The following KIAA0319 variants were observed in gnomAD, a reference collection of about 807,000 sequenced individuals.
The protein encoded by KIAA0319 is KIAA0319.
Under a neutral mutation model 108.4 loss-of-function variants are expected in KIAA0319, and 83 were observed. That is an observed-to-expected ratio of 0.77 (90% confidence interval 0.64 to 0.92). KIAA0319 has a LOEUF of 0.92. Among genes scored for constraint, KIAA0319 ranks in the 40% least tolerant of loss-of-function variants. The pLI is 0.00. For missense variants in KIAA0319, 1,195 were observed against 1,322.4 expected, an observed-to-expected ratio of 0.90 and a Z score of 1.49; for synonymous variants, 484 against 510.4, an observed-to-expected ratio of 0.95 and a Z score of 0.70.
chr6:24,554,229 A>G lies in KIAA0319; in HGVS notation c.2948+312T>C, dbSNP rs571434602. Among the ~76,000 whole-genome samples, 4 of 152,344 alleles carry G rather than the reference A, an allele frequency of 2.6e-5. No homozygotes were observed. In the South Asian group the frequency reaches 8.3e-4, roughly 32 times the overall value. On this transcript the variant is annotated intron_variant, in intron 19 of 20. Coordinates refer to ENST00000378214, the MANE Select transcript of KIAA0319 (RefSeq NM_014809.4). ...GCGAAGAAACTCCCAAACAATGGTC[A>G]CAGAAGTCTTCTGTATTGATTGTGG...
At chr6:24,605,820 T>G (rs766998085) in intron 1 of KIAA0319, among the ~76,000 whole-genome samples, 24 of 152,244 alleles carry the variant, frequency 1.6e-4, no homozygotes, top group Non-Finnish European at 3.5e-4. Context: ...GAACACATCT[T>G]ACCTTTGTAT....
chr6:24,546,398 T>C lies in KIAA0319; in HGVS notation c.*767A>G, dbSNP rs1440001612. The stretch of plus-strand genomic sequence containing the variant: ...ATCCGTTTACATTAGAGAACTATAC[T>C]GCTAAACAACACCGAGAGGAGTCAG... On this transcript the variant is annotated 3_prime_UTR_variant, in exon 21 of 21. Coordinates refer to ENST00000378214, the MANE Select transcript of KIAA0319 (RefSeq NM_014809.4). 6.6e-6 allele frequency: 1 copy of C among 152,010 alleles called. No individual in the cohort carries two copies. Among genetic ancestry groups the C allele is most frequent in the Non-Finnish European group, 1.5e-5 (1 of 67,992 alleles). 9.4% of individuals were successfully genotyped at this position (152,010 alleles called of 1,614,324 possible).
intron 1 of KIAA0319, among the ~76,000 whole-genome samples, chr6:24,620,095 C>T (rs775251044): frequency 1.3e-5 from 2 of 152,072 alleles, no homozygotes; most frequent in African/African-American, 2.4e-5. Context: ...CAATATTGGT[C>T]GGGAGTAGTG....
chr6:24,619,333 T>C (rs920247911), intron 1 of KIAA0319, among the ~76,000 whole-genome samples: 1 of 152,024 alleles, frequency 6.6e-6, no homozygotes, highest in African/African-American at 2.4e-5. Context: ...ACCAAGGTGA[T>C]AGTAGTGAAG....
rs62400773 is a variant in KIAA0319, at chr6:24,645,969, C to T, written c.-339G>A. On this transcript the variant is annotated 5_prime_UTR_variant, in exon 1 of 21. Transcript: ENST00000378214. ...AATCCTCGCTTCCTCTTCCCCGGGA[C>T]GTAGCCCCAGAGGAGCGAATCTGGA... The T allele has an allele frequency of 0.028, 4,321 of 152,770 alleles. 69 individuals carry two copies. Among genetic ancestry groups the T allele is most frequent in the Non-Finnish European group, 0.038 (2,599 of 68,536 alleles). 9.5% of individuals were successfully genotyped at this position (152,770 alleles called of 1,614,324 possible). A position where few individuals can be genotyped will look rare whatever the true frequency, so the allele number is the denominator to read the frequency against.
At chr6:24,549,074 C>T (rs551398166) in intron 20 of KIAA0319, among the ~76,000 whole-genome samples, 37 of 151,418 alleles carry the variant, frequency 2.4e-4, no homozygotes, top group African/African-American at 9.0e-4. Flanking sequence ...GTAATCTCAG[C>T]ACTTTGGGAG....
intron 1 of KIAA0319, among the ~76,000 whole-genome samples, chr6:24,623,547 A>T (rs927549773): frequency 1.3e-5 from 2 of 152,202 alleles, no homozygotes; most frequent in African/African-American, 4.8e-5. Flanking sequence ...GAGAAAAAAA[A>T]TAGGTTACCT....
At position 24,569,904 on chromosome 6, in the gene KIAA0319, T is replaced by A. The variant is rs748727807; in HGVS notation, c.1990A>T (p.Arg664Ter). 23 of 1,613,928 alleles carry A rather than the reference T, an allele frequency of 1.4e-5. No individual in the cohort carries two copies. The highest frequency in any genetic ancestry group is 1.9e-5 in the Non-Finnish European group (23 of 1,179,906). ...TAGCTCAGTGGCGAGACAGACTACC[T>A]GACGTGCTCCCAGTGGTAGAAGACA... ...GIVFYHWEHVRGPSAVEMENI... is the reference protein window; with the variant it reads ...GIVFYHWEHV The change falls in exon 12 of 21, where the codon AGA becomes TGA. Residue 664 changes from arginine (R) to a stop codon, truncating the protein, a stop_gained and splice_region_variant. Coordinates refer to ENST00000378214, the MANE Select transcript of KIAA0319 (RefSeq NM_014809.4). LOFTEE classifies it high-confidence loss of function.
intron 15 of KIAA0319, among the ~76,000 whole-genome samples, chr6:24,563,901 C>T (rs807545): frequency 6.6e-6 from 1 of 152,060 alleles, no homozygotes; most frequent in Non-Finnish European, 1.5e-5. Context: ...GAGCTGCCTC[C>T]CTCTGTGCCC....
Position 24,566,200 on chromosome 6 carries a change from C to T in KIAA0319, c.2292+397G>A, listed in dbSNP as rs114115478. Among the ~76,000 whole-genome samples the T allele has an allele frequency of 6.3e-3, 964 of 152,258 alleles. 6 individuals are homozygous for T. The highest frequency in any genetic ancestry group is 0.032 in the South Asian group (155 of 4,816). ...CTTTCCCAGACTCCTGTGTTGAAGC[C>T]CTAACCCCATATGACTGTATCTAGA... On this transcript the variant is annotated intron_variant, in intron 14 of 20. Transcript: ENST00000378214.
At position 24,556,642 on chromosome 6, in the gene KIAA0319, A is replaced by G. The variant is rs748018832; in HGVS notation, c.2822T>C (p.Ile941Thr). 1.1e-5 allele frequency: 18 copies of G among 1,613,950 alleles called. No homozygotes were observed. The highest frequency in any genetic ancestry group is 1.2e-5 in the Non-Finnish European group (14 of 1,179,962). The part of the protein sequence containing the change: ...ICSHLWMENL[I>T]QRYIWDGESN... Reference sequence around the variant, plus strand: ...CTCTCCATCCCAGATATAACGCTGTATAAGGTTCTCCATCCATAAGTGAGA... The same window carrying G: ...CTCTCCATCCCAGATATAACGCTGTGTAAGGTTCTCCATCCATAAGTGAGA... Residue 941 changes from isoleucine (I) to threonine (T), a missense_variant, in exon 18 of 21, where the codon ATA (isoleucine) becomes ACA (threonine). Ile to Thr is a moderately conservative substitution (Grantham distance 89). Transcript: ENST00000378214.
chr6:24,562,880 A>T (rs1763294897), intron 16 of KIAA0319, among the ~76,000 whole-genome samples: 1 of 152,156 alleles, frequency 6.6e-6, no homozygotes, highest in Non-Finnish European at 1.5e-5. Flanking sequence ...GATTAAATAA[A>T]TAAAACTCAA....
At chr6:24,596,714 TG>T in intron 2 of KIAA0319, 96 bp from the exon 3 acceptor site, 1 of 1,095,310 alleles carries the variant, frequency 9.1e-7, no homozygotes. Flanking sequence ...TCTCAATCCC[TG>T]GCCAGTCTGG....
chr6:24,576,651 G>T, intron 9 of KIAA0319, 55 bp from the exon 10 acceptor site: 1 of 1,391,886 alleles, frequency 7.2e-7, no homozygotes, highest in South Asian at 1.2e-5. Context: ...TGGGTGCAGT[G>T]ACTCACGCCT....
At chr6:24,566,168 A>G (rs996731573) in intron 14 of KIAA0319, among the ~76,000 whole-genome samples, 38 of 152,206 alleles carry the variant, frequency 2.5e-4, no homozygotes, top group African/African-American at 8.9e-4. Flanking sequence ...CGTGGACCGA[A>G]CTGTGTCTTT....
intron 3 of KIAA0319, among the ~76,000 whole-genome samples, chr6:24,594,198 C>CAAAA (rs761107947): frequency 2.0e-4 from 11 of 54,414 alleles, no homozygotes; most frequent in Non-Finnish European, 3.1e-4. Context: ...GACTCTGTCT[C>CAAAA]AAAAAAAAAA....
intron 1 of KIAA0319, among the ~76,000 whole-genome samples, chr6:24,627,392 C>T (rs1273429329): frequency 1.3e-5 from 2 of 152,162 alleles, no homozygotes; most frequent in African/African-American, 4.8e-5. Context: ...TCAGTCATAG[C>T]CATGGAAAGA....
At chr6:24,565,523 A>G in intron 14 of KIAA0319, among the ~76,000 whole-genome samples, 2 of 151,914 alleles carry the variant, frequency 1.3e-5, no homozygotes, top group African/African-American at 4.8e-5. Flanking sequence ...GGGAGGCCGA[A>G]GCGGGTGGAT....
chr6:24,612,370 G>A (rs1240518539), intron 1 of KIAA0319, among the ~76,000 whole-genome samples: 1 of 151,408 alleles, frequency 6.6e-6, no homozygotes, highest in Non-Finnish European at 1.5e-5. Flanking sequence ...AGACTCACTT[G>A]AGCCTGGGAG....
Sources: allele counts gnomAD v4.1 joint callset (sites outside exome capture counted in the v4.1 genomes callset), GRCh38; gene constraint gnomAD v4.1.1; transcripts MANE v1.5; gene names NCBI Gene and HGNC (gene_info 2026-07-23, HGNC 2026-07-21).